FARP2: variants seen among roughly 807,000 people sequenced by gnomAD.
FARP2 encodes FERM, ARH/RhoGEF and pleckstrin domain protein 2.
FARP2 carries 111 observed loss-of-function variants against 130.5 expected under a neutral mutation model. The observed-to-expected ratio is 0.85, with a 90% CI of 0.73 to 1.00. FARP2 has a LOEUF of 1.00. Among genes scored for constraint, FARP2 ranks in the 50% least tolerant of loss-of-function variants. The pLI is 0.00. For missense variants in FARP2, 1,385 were observed against 1,346.3 expected, an observed-to-expected ratio of 1.03 and a Z score of -0.45; for synonymous variants, 504 against 516.9, an observed-to-expected ratio of 0.98 and a Z score of 0.34.
intron 13 of FARP2, 156 bp downstream of exon 13, chr2:241,441,712 T>G: frequency 8.7e-7 from 1 of 1,151,450 alleles, no homozygotes; most frequent in Non-Finnish European, 1.3e-6. Flanking sequence ...CACAGGCTCA[T>G]TTCCTTCCGG....
rs1210089524 is a variant in FARP2 at position 241,425,766 on chromosome 2, CAG to C, written c.772-5910_772-5909del. Among the ~76,000 whole-genome samples the C allele has an allele frequency of 5.6e-5, 6 of 106,988 alleles. No homozygotes were observed. The Admixed American group carries it at 6.2e-4, about 11-fold the overall frequency. The allele number at this position is 106,988 out of a possible 152,430, so 70.2% of individuals were successfully genotyped here. On this transcript the variant is annotated intron_variant, in intron 8 of 26. Coordinates refer to ENST00000264042, the MANE Select transcript of FARP2 (RefSeq NM_014808.4). ...CTTTTTTTTTTTTTTTTTTTTGAGA[CAG>C]AGTTTCATTCTTGTTGCCCAGGCTG...
chr2:241,378,762 A>G (rs370064991), intron 2 of FARP2, among the ~76,000 whole-genome samples: 51 of 152,310 alleles, frequency 3.3e-4, no homozygotes, highest in African/African-American at 1.2e-3. Context: ...TGTATGATGT[A>G]TTTAGGGTGG....
intron 13 of FARP2, 181 bp downstream of exon 13, chr2:241,441,737 G>T: frequency 1.1e-6 from 1 of 902,800 alleles, no homozygotes. Flanking sequence ...GAGCACCGGT[G>T]TGACCGGCAG....
intron 13 of FARP2, chr2:241,443,594 A>C (rs1392743170): frequency 1.3e-5 from 2 of 152,284 alleles, no homozygotes; most frequent in African/African-American, 2.4e-5. Context: ...AGAGCTTCTC[A>C]GTCTAAACCA....
intron 12 of FARP2, among the ~76,000 whole-genome samples, chr2:241,437,682 T>TTTTTTTTG (rs79114513): frequency 6.2e-4 from 78 of 126,522 alleles, no homozygotes; most frequent in Non-Finnish European, 9.6e-4. Flanking sequence ...TTTTTTTTTT[T>TTTTTTTTG]GAGACGGAGT....
At chr2:241,435,908 A>ATT (rs34703186) in intron 11 of FARP2, among the ~76,000 whole-genome samples, 1,104 of 100,978 alleles carry the variant, frequency 0.011, 41 homozygotes, top group African/African-American at 0.024. Context: ...AGTATAGTAA[A>ATT]TTTTTTTTTT....
rs535000636 is a variant in FARP2 at position 241,359,436 on chromosome 2, T to G, written c.-25+3048T>G. ...TACTTTGGTATGAGATTCCAACCAG[T>G]TGGCCCACTAGAGCTCGCGCAGCAC... is the stretch of plus-strand genomic sequence containing the variant. On this transcript the variant is annotated intron_variant, in intron 1 of 26. Transcript: ENST00000264042. Among the ~76,000 whole-genome samples the G allele has an allele frequency of 9.8e-5, 15 of 152,344 alleles. No individual in the cohort carries two copies. The South Asian group carries it at 1.9e-3, about 19-fold the overall frequency.
intron 5 of FARP2, among the ~76,000 whole-genome samples, chr2:241,409,245 T>A (rs181334212): frequency 0.01 from 1,547 of 152,108 alleles, 13 homozygotes; most frequent in Non-Finnish European, 0.014. Context: ...GGTAAAAGAA[T>A]TTTTTTTCCA....
At chr2:241,389,885 T>C (rs949797847) in intron 2 of FARP2, among the ~76,000 whole-genome samples, 1 of 152,220 alleles carries the variant, frequency 6.6e-6, no homozygotes, top group Non-Finnish European at 1.5e-5. Flanking sequence ...TGGCTGGTCA[T>C]AGACTCATTG....
At chr2:241,445,121 A>G (rs1029759345) in intron 13 of FARP2, 3 of 151,800 alleles carry the variant, frequency 2.0e-5, no homozygotes, top group African/African-American at 7.3e-5. Context: ...TTGTGGAGAC[A>G]GGTTCTCTTC....
At position 241,404,916 on chromosome 2, in the gene FARP2, C is replaced by T; in HGVS notation, c.331+75C>T. On this transcript the variant is annotated intron_variant, in intron 4 of 26. Coordinates refer to ENST00000264042, the MANE Select transcript of FARP2 (RefSeq NM_014808.4). Reference sequence around the variant, plus strand: ...TCCTGGAATGTTTAAAAGGCATGTTCAACTGTTCATTCTCACCACCGTGTA... The same window carrying T: ...TCCTGGAATGTTTAAAAGGCATGTTTAACTGTTCATTCTCACCACCGTGTA... The T allele has an allele frequency of 3.6e-6, 4 of 1,118,020 alleles. No individual in the cohort carries two copies. The South Asian group carries it at 3.8e-5, about 11-fold the overall frequency. 69.3% of individuals were successfully genotyped at this position (1,118,020 alleles called of 1,614,324 possible).
chr2:241,427,118 C>T (rs2062958701), intron 8 of FARP2, among the ~76,000 whole-genome samples: 1 of 151,988 alleles, frequency 6.6e-6, no homozygotes, highest in Admixed American at 6.6e-5. Context: ...GCCTGTAATG[C>T]CAGCTACTCA....
chr2:241,468,110 C>A, intron 17 of FARP2, 30 bp from the exon 18 acceptor site: 1 of 1,448,458 alleles, frequency 6.9e-7, no homozygotes, highest in Non-Finnish European at 9.7e-7. Flanking sequence ...CATCTCCTCA[C>A]CTAAAGGCCC....
At chr2:241,437,658 A>ATTTC (rs1478318608) in intron 12 of FARP2, among the ~76,000 whole-genome samples, 1 of 134,346 alleles carries the variant, frequency 7.4e-6, no homozygotes, top group Non-Finnish European at 1.6e-5. Context: ...ATATTTATTT[A>ATTTC]TTTATTTATT....
chr2:241,452,082 T>C (rs1480951348), intron 13 of FARP2, among the ~76,000 whole-genome samples: 2 of 152,184 alleles, frequency 1.3e-5, no homozygotes, highest in East Asian at 3.9e-4. Flanking sequence ...TGATATGCAT[T>C]ATCAGTGTCA....
intron 21 of FARP2, 32 bp from the exon 22 acceptor site, chr2:241,489,927 GGCC>G: frequency 6.9e-7 from 1 of 1,457,076 alleles, no homozygotes; most frequent in African/African-American, 1.4e-5. Context: ...GTTCCTTCTT[GGCC>G]ACAAGACTTG....
intron 2 of FARP2, among the ~76,000 whole-genome samples, chr2:241,402,845 T>A (rs10933556): frequency 3.0e-4 from 2 of 6,580 alleles, no homozygotes; most frequent in Admixed American, 3.4e-3. Context: ...TTTATATATA[T>A]ATATATATAT....
intron 9 of FARP2, 48 bp from the exon 10 acceptor site, chr2:241,434,110 T>C (rs1451757313): frequency 7.1e-7 from 1 of 1,409,632 alleles, no homozygotes; most frequent in Non-Finnish European, 9.8e-7. Flanking sequence ...CTTTCTCTTG[T>C]CCAATACTTC....
chr2:241,426,122 A>G (rs1300792587), intron 8 of FARP2, among the ~76,000 whole-genome samples: 1 of 152,196 alleles, frequency 6.6e-6, no homozygotes, highest in Non-Finnish European at 1.5e-5. Context: ...AGGGTGCTCC[A>G]CATCCGAGAC....
Sources: allele counts gnomAD v4.1 joint callset (sites outside exome capture counted in the v4.1 genomes callset), GRCh38; gene constraint gnomAD v4.1.1; transcripts MANE v1.5; gene names NCBI Gene and HGNC (gene_info 2026-07-23, HGNC 2026-07-21).